The following FUT9 variants were observed in gnomAD, a reference collection of about 807,000 sequenced individuals.
FUT9 encodes fucosyltransferase 9, also known as 4-galactosyl-N-acetylglucosaminide 3-alpha-L-fucosyltransferase 9.
FUT9 carries 15 observed loss-of-function variants against 29.7 expected under a neutral mutation model. That is an observed-to-expected ratio of 0.51 (90% confidence interval 0.34 to 0.78). The LOEUF (loss-of-function observed/expected upper bound fraction) is 0.78, where lower values mean the gene tolerates loss of function less well. FUT9 is among the 30% of genes least tolerant of loss of function. The probability of loss-of-function intolerance (pLI) is 0.01; values close to 1 mark genes in which losing one functional copy is unlikely to be tolerated. For synonymous variants in FUT9, 169 were observed against 153.7 expected, an observed-to-expected ratio of 1.10 and a Z score of -0.74; for missense variants, 319 against 425.4, an observed-to-expected ratio of 0.75 and a Z score of 2.20.
intron 2 of FUT9, among the ~76,000 whole-genome samples, chr6:96,164,035 G>A (rs981835214): frequency 5.9e-5 from 9 of 152,094 alleles, no homozygotes; most frequent in Non-Finnish European, 1.2e-4. Context: ...ACATTTTAGG[G>A]AGACATATGA....
chr6:96,090,411 A>G (rs1043746832), intron 1 of FUT9, among the ~76,000 whole-genome samples: 1 of 152,076 alleles, frequency 6.6e-6, no homozygotes, highest in Non-Finnish European at 1.5e-5. Flanking sequence ...ACTACAATTT[A>G]TATATTTTAA....
chr6:96,161,245 C>T (rs1772895463), intron 2 of FUT9, among the ~76,000 whole-genome samples: 1 of 152,116 alleles, frequency 6.6e-6, no homozygotes, highest in Non-Finnish European at 1.5e-5. Flanking sequence ...GTACAGAGCT[C>T]TCCTGGATGG....
At chr6:96,189,064 TG>T (rs1487423766) in intron 2 of FUT9, among the ~76,000 whole-genome samples, 3 of 152,184 alleles carry the variant, frequency 2.0e-5, no homozygotes, top group Admixed American at 2.0e-4. Context: ...AATGTGTACT[TG>T]GGGTTTTGAT....
chr6:96,057,429 G>A (rs891149830), intron 1 of FUT9, among the ~76,000 whole-genome samples: 10 of 152,146 alleles, frequency 6.6e-5, no homozygotes, highest in Admixed American at 6.5e-5. Context: ...ACATGCTTCA[G>A]ACATAGGCAC....
chr6:96,024,976 T>C (rs1180467353), intron 1 of FUT9, among the ~76,000 whole-genome samples: 2 of 151,758 alleles, frequency 1.3e-5, no homozygotes, highest in Non-Finnish European at 2.9e-5. Flanking sequence ...TACTTCCAAG[T>C]GGATCTAAGG....
chr6:96,063,272 ATTGGCTC>A (rs1269717131), intron 1 of FUT9, among the ~76,000 whole-genome samples: 3 of 152,176 alleles, frequency 2.0e-5, no homozygotes, highest in Admixed American at 6.5e-5. Context: ...AATAGGTTTA[ATTGGCTC>A]ACGGTTCTGT....
intron 2 of FUT9, among the ~76,000 whole-genome samples, chr6:96,186,928 T>A (rs945355282): frequency 6.6e-6 from 1 of 152,128 alleles, no homozygotes; most frequent in Admixed American, 6.6e-5. Flanking sequence ...AGTGCTAATC[T>A]TTTCCAGAAA....
At chr6:96,048,646 G>T (rs1188224597) in intron 1 of FUT9, among the ~76,000 whole-genome samples, 1 of 152,154 alleles carries the variant, frequency 6.6e-6, no homozygotes, top group Non-Finnish European at 1.5e-5. Context: ...GCTACATCTG[G>T]GAGGAGATGA....
At chr6:96,111,540 AACACACACACAC>A (rs66491542) in intron 1 of FUT9, among the ~76,000 whole-genome samples, 33,113 of 145,526 alleles carry the variant, frequency 0.23, 4,144 homozygotes, top group Middle Eastern at 0.29. Flanking sequence ...TGATTTGGGA[AACACACACACAC>A]ACACACACAC....
In FUT9 at chr6:96,214,575, AG is replaced by A. The variant is rs1774001359; in HGVS notation, c.*10343del. ...TAACAAAAATTATTCCATTTAATGA[AG>A]GGTTTGTTTTGTTTAGCTTTTCTCT... On this transcript the variant is annotated 3_prime_UTR_variant, in exon 3 of 3. Transcript: ENST00000302103. 2 of 166,814 alleles carry A rather than the reference AG, an allele frequency of 1.2e-5. No homozygotes were observed. Among genetic ancestry groups the A allele is most frequent in the South Asian group, 4.1e-4 (2 of 4,828 alleles). 10.3% of individuals were successfully genotyped at this position (166,814 alleles called of 1,614,324 possible). A position where few individuals can be genotyped will look rare whatever the true frequency, so the allele number is the denominator to read the frequency against.
chr6:96,099,547 C>T (rs575530862), intron 1 of FUT9, among the ~76,000 whole-genome samples: 11 of 152,162 alleles, frequency 7.2e-5, no homozygotes, highest in Non-Finnish European at 1.5e-4. Flanking sequence ...CTTGGAGTGT[C>T]TCCTTTAAAA....
rs181489952 is a variant in FUT9 at position 96,121,717 on chromosome 6, A to G, written c.-9+7590A>G. ...ATGTTCCACCATTCCTTTTTAATTC[A>G]TGTCACTTTTGTACTCTAAACACAG... On this transcript the variant is annotated intron_variant, in intron 2 of 2. Transcript: ENST00000302103. Among the ~76,000 whole-genome samples the G allele has an allele frequency of 4.6e-5, 7 of 152,130 alleles. No homozygotes were observed. The East Asian group carries it at 1.4e-3, about 29-fold the overall frequency.
intron 2 of FUT9, among the ~76,000 whole-genome samples, chr6:96,164,185 C>A (rs542905223): frequency 2.7e-4 from 40 of 150,502 alleles, no homozygotes; most frequent in Non-Finnish European, 3.1e-4. Context: ...GAAAGAGTTT[C>A]TCTAAAGACC....
intron 1 of FUT9, among the ~76,000 whole-genome samples, chr6:96,108,210 G>A (rs188561597): frequency 1.3e-4 from 19 of 151,988 alleles, no homozygotes; most frequent in Admixed American, 1.0e-3. Flanking sequence ...GGACTGTGAG[G>A]GGAAAATTTT....
At chr6:96,092,995 T>C (rs1258247475) in intron 1 of FUT9, among the ~76,000 whole-genome samples, 1 of 152,110 alleles carries the variant, frequency 6.6e-6, no homozygotes, top group African/African-American at 2.4e-5. Context: ...CTCAAAGTCC[T>C]GGGCTCAAGC....
intron 2 of FUT9, among the ~76,000 whole-genome samples, chr6:96,165,900 G>A (rs1193989002): frequency 6.6e-6 from 1 of 152,086 alleles, no homozygotes; most frequent in Non-Finnish European, 1.5e-5. Context: ...ACAGGTGTGA[G>A]GCACCACACT....
chr6:96,034,799 A>G (rs1411347401), intron 1 of FUT9, among the ~76,000 whole-genome samples: 2 of 151,848 alleles, frequency 1.3e-5, no homozygotes, highest in African/African-American at 4.8e-5. Flanking sequence ...GAATGCTACC[A>G]AAGTTCTTAA....
At chr6:96,071,547 T>C (rs1462775903) in intron 1 of FUT9, among the ~76,000 whole-genome samples, 1 of 152,086 alleles carries the variant, frequency 6.6e-6, no homozygotes, top group Non-Finnish European at 1.5e-5. Flanking sequence ...CCATGGCAAA[T>C]CAATTATTTT....
chr6:96,132,130 T>TA (rs1362996375), intron 2 of FUT9, among the ~76,000 whole-genome samples: 1 of 152,068 alleles, frequency 6.6e-6, no homozygotes, highest in Non-Finnish European at 1.5e-5. Flanking sequence ...TCCTAACATT[T>TA]ACATCACTAG....
Sources: gnomAD v4.1 joint callset for allele counts (sites outside exome capture counted in the v4.1 genomes callset) on GRCh38, gnomAD v4.1.1 for gene constraint, MANE v1.5 for transcripts, NCBI Gene and HGNC (gene_info 2026-07-23, HGNC 2026-07-21) for gene names.